CMSS1: variants seen among roughly 807,000 people sequenced by gnomAD.
CMSS1 encodes the protein cms1 ribosomal small subunit homolog.
In CMSS1, 33 loss-of-function variants were observed where a neutral mutation model predicts 43.5. The observed-to-expected ratio is 0.76, with a 90% CI of 0.57 to 1.01. The LOEUF (loss-of-function observed/expected upper bound fraction) is 1.01, where lower values mean the gene tolerates loss of function less well. Among genes scored for constraint, CMSS1 ranks in the 50% least tolerant of loss-of-function variants. The probability of loss-of-function intolerance (pLI) is 0.00; values close to 1 mark genes in which losing one functional copy is unlikely to be tolerated. For missense variants in CMSS1, 313 were observed against 326.4 expected, an observed-to-expected ratio of 0.96 and a Z score of 0.32; for synonymous variants, 115 against 117.2, an observed-to-expected ratio of 0.98 and a Z score of 0.12.
Position 99,935,279 on chromosome 3 carries a change from G to A in CMSS1, c.64+117236G>A, listed in dbSNP as rs1001635221. On this transcript the variant is annotated intron_variant, in intron 1 of 9. Coordinates refer to ENST00000421999, the MANE Select transcript of CMSS1 (RefSeq NM_032359.4). Reference sequence around the variant, plus strand: ...TTTCAGGGTACCAAAAAAAAAAAAAGGAAAGTTGCTTTTTGTGTATGCCAA... The same window carrying A: ...TTTCAGGGTACCAAAAAAAAAAAAAAGAAAGTTGCTTTTTGTGTATGCCAA... Among the ~76,000 whole-genome samples, 55 of 126,870 alleles carry A rather than the reference G, an allele frequency of 4.3e-4. 1 individual carries two copies. The highest frequency in any genetic ancestry group is 8.7e-3 in the Middle Eastern group (2 of 230). The allele number at this position is 126,870 out of a possible 152,430, so 83.2% of individuals were successfully genotyped here.
intron 1 of CMSS1, among the ~76,000 whole-genome samples, chr3:100,063,222 C>T (rs755076502): frequency 1.3e-5 from 2 of 152,176 alleles, no homozygotes; most frequent in Non-Finnish European, 2.9e-5. Flanking sequence ...ACCTCTGGCT[C>T]ACTTGTTCCC....
At chr3:99,944,501 A>G (rs1254834200) in intron 1 of CMSS1, among the ~76,000 whole-genome samples, 1 of 152,228 alleles carries the variant, frequency 6.6e-6, no homozygotes, top group Non-Finnish European at 1.5e-5. Flanking sequence ...TGCAGGCACA[A>G]TGCTAAGGCA....
At position 99,817,869 on chromosome 3, in the gene CMSS1, A is replaced by G; in HGVS notation, c.-111A>G. The G allele has an allele frequency of 2.7e-6, 3 of 1,119,700 alleles. No homozygotes were observed. Among genetic ancestry groups the G allele is most frequent in the Non-Finnish European group, 3.9e-6 (3 of 761,744 alleles). 69.4% of individuals were successfully genotyped at this position (1,119,700 alleles called of 1,614,324 possible). The stretch of plus-strand genomic sequence containing the variant: ...CCGCGGGGCGGAGGCGACAGTGTCT[A>G]GCGGGAGCTCCGCGTGTAGCTACGC... On this transcript the variant is annotated 5_prime_UTR_variant, in exon 1 of 10. Transcript: ENST00000421999.
At chr3:99,935,452 G>A (rs1266021659) in intron 1 of CMSS1, among the ~76,000 whole-genome samples, 1 of 152,192 alleles carries the variant, frequency 6.6e-6, no homozygotes, top group African/African-American at 2.4e-5. Context: ...CTTCAGGAGT[G>A]TAGGCTGGGA....
At chr3:99,875,988 C>G in intron 1 of CMSS1, 1 of 906,172 alleles carries the variant, frequency 1.1e-6, no homozygotes, top group Non-Finnish European at 1.3e-6. Flanking sequence ...GCTGAGACAG[C>G]TTTAACAGCC....
intron 1 of CMSS1, among the ~76,000 whole-genome samples, chr3:100,016,482 G>C (rs1010557928): frequency 2.0e-5 from 3 of 152,192 alleles, no homozygotes; most frequent in Non-Finnish European, 4.4e-5. Flanking sequence ...ACTACACCCA[G>C]CTGGGTCAGC....
chr3:99,986,683 A>G (rs1388468475), intron 1 of CMSS1, among the ~76,000 whole-genome samples: 2 of 152,188 alleles, frequency 1.3e-5, no homozygotes, highest in Admixed American at 1.3e-4. Context: ...TAAGAACTCA[A>G]GTAGAAGGAG....
rs377063534 is a variant in CMSS1 at position 100,172,410 on chromosome 3, C to G, written c.667+7C>G. On this transcript the variant is annotated splice_region_variant and intron_variant, in intron 8 of 9. Transcript: ENST00000421999. ...AAAGAACTTGTTAAACAAGGTATGA[C>G]AAGAGGGCAGTGATACTCTTGCCCA... The G allele has an allele frequency of 1.9e-6, 3 of 1,609,070 alleles. No homozygotes were observed. The African/African-American group carries it at 4.0e-5, about 22-fold the overall frequency.
chr3:100,096,213 A>G (rs1167968459), intron 1 of CMSS1, among the ~76,000 whole-genome samples: 1 of 152,186 alleles, frequency 6.6e-6, no homozygotes, highest in African/African-American at 2.4e-5. Flanking sequence ...GGTTCCTCAG[A>G]AAACTAAAAC....
intron 1 of CMSS1, among the ~76,000 whole-genome samples, chr3:100,113,255 C>T (rs948429406): frequency 3.6e-4 from 55 of 152,184 alleles, no homozygotes; most frequent in Non-Finnish European, 1.2e-4. Flanking sequence ...ACTGTGCAGC[C>T]ACCCTAAACA....
At chr3:100,070,289 T>A (rs2065739647) in intron 1 of CMSS1, among the ~76,000 whole-genome samples, 1 of 152,218 alleles carries the variant, frequency 6.6e-6, no homozygotes, top group Admixed American at 6.5e-5. Context: ...TGGGGAAAAT[T>A]GATCACCATA....
At chr3:99,934,997 G>A (rs1470777870) in intron 1 of CMSS1, among the ~76,000 whole-genome samples, 1 of 152,112 alleles carries the variant, frequency 6.6e-6, no homozygotes, top group East Asian at 1.9e-4. Context: ...GGTCTACTGA[G>A]GAGCATGTGT....
intron 1 of CMSS1, among the ~76,000 whole-genome samples, chr3:99,923,282 G>A (rs752959642): frequency 6.6e-6 from 1 of 151,986 alleles, no homozygotes; most frequent in Non-Finnish European, 1.5e-5. Context: ...CTGACCATGG[G>A]TTGACTTTAT....
At chr3:100,042,723 A>G (rs774557099) in intron 1 of CMSS1, among the ~76,000 whole-genome samples, 2 of 152,212 alleles carry the variant, frequency 1.3e-5, no homozygotes. Context: ...TTCTTTTGCC[A>G]CATAGCTGAT....
At chr3:99,979,833 T>C (rs932640924) in intron 1 of CMSS1, among the ~76,000 whole-genome samples, 2 of 152,146 alleles carry the variant, frequency 1.3e-5, no homozygotes, top group Admixed American at 1.3e-4. Flanking sequence ...GGAGACAAGA[T>C]GAGTTCACAT....
chr3:99,822,485 C>T (rs1942457163), intron 1 of CMSS1, among the ~76,000 whole-genome samples: 1 of 152,144 alleles, frequency 6.6e-6, no homozygotes, highest in Non-Finnish European at 1.5e-5. Flanking sequence ...AGTCCCTACA[C>T]TTTGGGAGGC....
chr3:100,143,291 A>G (rs1416287433), intron 1 of CMSS1, among the ~76,000 whole-genome samples: 3 of 152,202 alleles, frequency 2.0e-5, no homozygotes, highest in Non-Finnish European at 4.4e-5. Flanking sequence ...TGCACTGGTT[A>G]AAAGTTCTAG....
chr3:100,177,584 C>G (rs1269303901), intron 9 of CMSS1, among the ~76,000 whole-genome samples: 3 of 152,162 alleles, frequency 2.0e-5, no homozygotes, highest in Non-Finnish European at 4.4e-5. Flanking sequence ...CTGTGGAGTC[C>G]TTGAAACACC....
intron 1 of CMSS1, among the ~76,000 whole-genome samples, chr3:100,139,757 A>G (rs1187021116): frequency 1.3e-5 from 2 of 148,304 alleles, no homozygotes; most frequent in Non-Finnish European, 3.0e-5. Flanking sequence ...AGATCGCGCC[A>G]TTGCACTCCA....
Sources: gnomAD v4.1 joint callset for allele counts (sites outside exome capture counted in the v4.1 genomes callset) on GRCh38, gnomAD v4.1.1 for gene constraint, MANE v1.5 for transcripts, NCBI Gene and HGNC (gene_info 2026-07-23, HGNC 2026-07-21) for gene names.